Variants in GALNT17 observed in about 807,000 individuals in gnomAD.
The protein encoded by GALNT17 is UDP-GalNAc:polypeptide N-acetylgalactosaminyltransferase-like 3.
A neutral mutation model predicts 63.7 loss-of-function variants in GALNT17; 29 were observed. That is an observed-to-expected ratio of 0.46 (90% CI 0.34 to 0.62). The LOEUF is 0.62. Among genes scored for constraint, GALNT17 ranks in the 20% least tolerant of loss-of-function variants. GALNT17 has a pLI of 0.01. For missense variants in GALNT17, 603 were observed against 799.6 expected, an observed-to-expected ratio of 0.75 and a Z score of 2.97; for synonymous variants, 305 against 318.3, an observed-to-expected ratio of 0.96 and a Z score of 0.45.
chr7:71,632,135 C>T (rs1790461681), intron 6 of GALNT17, among the ~76,000 whole-genome samples: 1 of 152,060 alleles, frequency 6.6e-6, no homozygotes, highest in Non-Finnish European at 1.5e-5. Flanking sequence ...AGAGCCCTTT[C>T]TTCAGATACC....
At chr7:71,548,686 G>A (rs941763064) in intron 5 of GALNT17, among the ~76,000 whole-genome samples, 61 of 152,224 alleles carry the variant, frequency 4.0e-4, no homozygotes, top group African/African-American at 1.1e-3. Context: ...GGAACTGTGA[G>A]TCCATTAAAC....
chr7:71,478,399 G>T, intron 5 of GALNT17, among the ~76,000 whole-genome samples: 1 of 151,998 alleles, frequency 6.6e-6, no homozygotes, highest in Admixed American at 6.6e-5. Flanking sequence ...CTGCAGCCTG[G>T]AACTCACAGG....
intron 5 of GALNT17, among the ~76,000 whole-genome samples, chr7:71,442,642 A>T (rs1787088923): frequency 6.6e-6 from 1 of 152,192 alleles, no homozygotes; most frequent in Admixed American, 6.6e-5. Flanking sequence ...GCAGAGAGTC[A>T]GGGGTAATTG....
chr7:71,423,733 G>A (rs770419306), intron 5 of GALNT17, among the ~76,000 whole-genome samples: 1 of 151,950 alleles, frequency 6.6e-6, no homozygotes, highest in South Asian at 2.1e-4. Context: ...GGGCAACATA[G>A]CCAGACTGTG....
chr7:71,609,038 C>A (rs186286414), intron 6 of GALNT17, among the ~76,000 whole-genome samples: 434 of 151,886 alleles, frequency 2.9e-3, no homozygotes, highest in Non-Finnish European at 4.7e-3. Context: ...ATTACAGCCT[C>A]CCAAAGTACT....
At chr7:71,295,729 G>A (rs959738161) in intron 1 of GALNT17, among the ~76,000 whole-genome samples, 10 of 151,986 alleles carry the variant, frequency 6.6e-5, no homozygotes, top group Admixed American at 5.9e-4. Context: ...CTCCCGAGTA[G>A]CTGGAACTAC....
intron 1 of GALNT17, among the ~76,000 whole-genome samples, chr7:71,217,876 C>T (rs971708545): frequency 1.1e-4 from 16 of 151,214 alleles, no homozygotes; most frequent in Admixed American, 5.9e-4. Context: ...TGCAATGAGC[C>T]GAGATCGCAC....
At chr7:71,520,915 C>A (rs1788520231) in intron 5 of GALNT17, among the ~76,000 whole-genome samples, 3 of 152,200 alleles carry the variant, frequency 2.0e-5, no homozygotes, top group South Asian at 4.1e-4. Context: ...TATTGAGTGG[C>A]AAATGATGTC....
intron 5 of GALNT17, among the ~76,000 whole-genome samples, chr7:71,434,936 T>C (rs1234171145): frequency 6.6e-6 from 1 of 152,206 alleles, no homozygotes; most frequent in African/African-American, 2.4e-5. Flanking sequence ...GTTTGCTTTC[T>C]TCAGGGGACC....
intron 1 of GALNT17, among the ~76,000 whole-genome samples, chr7:71,238,904 C>T (rs528188493): frequency 2.6e-5 from 4 of 152,190 alleles, no homozygotes; most frequent in Non-Finnish European, 5.9e-5. Flanking sequence ...CTCTCTCCGT[C>T]TCTCATGTCA....
chr7:71,266,741 G>A (rs1316928651), intron 1 of GALNT17, among the ~76,000 whole-genome samples: 1 of 152,168 alleles, frequency 6.6e-6, no homozygotes, highest in Non-Finnish European at 1.5e-5. Context: ...ATTCAACTCT[G>A]CAAGGGGAGA....
chr7:71,201,090 C>T (rs1051391611), intron 1 of GALNT17, among the ~76,000 whole-genome samples: 1 of 151,264 alleles, frequency 6.6e-6, no homozygotes, highest in African/African-American at 2.4e-5. Flanking sequence ...AGAGTGTGCC[C>T]ACTGTTTTGA....
chr7:71,656,473 G>A (rs1790830000), intron 6 of GALNT17, among the ~76,000 whole-genome samples: 1 of 152,074 alleles, frequency 6.6e-6, no homozygotes, highest in African/African-American at 2.4e-5. Flanking sequence ...AGGCTTTGAA[G>A]ACCACACGAA....
intron 2 of GALNT17, among the ~76,000 whole-genome samples, chr7:71,336,007 C>T (rs1218122458): frequency 8.4e-6 from 1 of 118,522 alleles, no homozygotes; most frequent in African/African-American, 4.6e-5. Flanking sequence ...TCTTCTTCTT[C>T]CTTCTTCTTC....
At chr7:71,187,090 C>A (rs2707443) in intron 1 of GALNT17, among the ~76,000 whole-genome samples, 1 of 151,888 alleles carries the variant, frequency 6.6e-6, no homozygotes, top group Admixed American at 6.6e-5. Context: ...AAAGAGAAGA[C>A]GACTACAACT....
chr7:71,482,113 GTA>G, intron 5 of GALNT17, among the ~76,000 whole-genome samples: 1 of 150,442 alleles, frequency 6.6e-6, no homozygotes, highest in Admixed American at 6.6e-5. Context: ...GTGTGTGTGT[GTA>G]TGTATGGTCA....
At chr7:71,417,223 A>T (rs531024063) in intron 4 of GALNT17, among the ~76,000 whole-genome samples, 2 of 152,210 alleles carry the variant, frequency 1.3e-5, no homozygotes, top group Non-Finnish European at 2.9e-5. Context: ...TTAACATTAA[A>T]ATGTCTGTTC....
intron 2 of GALNT17, among the ~76,000 whole-genome samples, chr7:71,365,302 C>T (rs563336297): frequency 5.3e-5 from 8 of 151,672 alleles, no homozygotes; most frequent in South Asian, 4.2e-4. Flanking sequence ...TGCAGTGGTG[C>T]GATCTCAGCT....
At chr7:71,648,037 G>A (rs1790704978) in intron 6 of GALNT17, among the ~76,000 whole-genome samples, 1 of 152,098 alleles carries the variant, frequency 6.6e-6, no homozygotes, top group Non-Finnish European at 1.5e-5. Flanking sequence ...ACTTCCTCTG[G>A]GTCCTCACAG....
Sources: allele counts gnomAD v4.1 joint callset (sites outside exome capture counted in the v4.1 genomes callset), GRCh38; gene constraint gnomAD v4.1.1; transcripts MANE v1.5; gene names NCBI Gene and HGNC (gene_info 2026-07-23, HGNC 2026-07-21).